CNBD1: variants seen among roughly 807,000 people sequenced by gnomAD.
CNBD1 encodes the protein cyclic nucleotide binding domain containing 1, also known as cyclic nucleotide-binding domain-containing protein 1.
CNBD1 carries 71 observed loss-of-function variants against 54.4 expected under a neutral mutation model. The observed-to-expected ratio is 1.30, with a 90% CI of 1.08 to 1.59. CNBD1 has a LOEUF of 1.59. Ranked by LOEUF, CNBD1 falls within the 40% of genes most tolerant of loss-of-function variation. The pLI is 0.00. For synonymous variants in CNBD1, 182 were observed against 170.7 expected (o/e 1.07, Z -0.51); for missense variants, 659 against 518.0 (o/e 1.27, Z -2.64).
chr8:87,328,773 A>AT (rs991051886), intron 8 of CNBD1, among the ~76,000 whole-genome samples: 4 of 152,160 alleles, frequency 2.6e-5, no homozygotes, highest in South Asian at 2.1e-4. Context: ...GCCCTCTTTA[A>AT]TTTTTTAACA....
chr8:87,020,503 G>A (rs1809463340), intron 4 of CNBD1, among the ~76,000 whole-genome samples: 1 of 152,010 alleles, frequency 6.6e-6, no homozygotes, highest in South Asian at 2.1e-4. Flanking sequence ...GCCAAGAGTG[G>A]GGACTAAGGA....
intron 1 of CNBD1, among the ~76,000 whole-genome samples, chr8:86,884,376 C>A (rs979989615): frequency 4.6e-5 from 7 of 152,096 alleles, no homozygotes; most frequent in African/African-American, 1.7e-4. Flanking sequence ...GGGCATTATT[C>A]TTTTGCCTCT....
chr8:87,338,474 T>C (rs1458586505), intron 8 of CNBD1, among the ~76,000 whole-genome samples: 1 of 151,404 alleles, frequency 6.6e-6, no homozygotes, highest in African/African-American at 2.5e-5. Context: ...TTGTTGTTGT[T>C]GTTGTTTTGT....
chr8:86,911,938 A>G (rs1003495073), intron 3 of CNBD1, among the ~76,000 whole-genome samples: 7 of 152,178 alleles, frequency 4.6e-5, no homozygotes, highest in Non-Finnish European at 7.4e-5. Context: ...GGAAAACTAT[A>G]AATTTTAATG....
chr8:87,137,881 G>A (rs1563483323), intron 4 of CNBD1, among the ~76,000 whole-genome samples: 2 of 152,108 alleles, frequency 1.3e-5, no homozygotes, highest in Admixed American at 1.3e-4. Context: ...TCTTCCATGA[G>A]GTAGTGGAAT....
chr8:87,266,967 G>GA (rs1808271216), intron 6 of CNBD1, among the ~76,000 whole-genome samples: 3 of 151,962 alleles, frequency 2.0e-5, no homozygotes, highest in African/African-American at 7.3e-5. Flanking sequence ...TATCATAACA[G>GA]AAAACACCTT....
At chr8:87,349,654 C>G (rs2130926444) in intron 8 of CNBD1, among the ~76,000 whole-genome samples, 1 of 152,278 alleles carries the variant, frequency 6.6e-6, no homozygotes, top group Non-Finnish European at 1.5e-5. Flanking sequence ...GGATTACAGG[C>G]GTGAGCCACC....
intron 8 of CNBD1, among the ~76,000 whole-genome samples, chr8:87,320,170 T>C (rs1809488706): frequency 6.6e-6 from 1 of 152,114 alleles, no homozygotes; most frequent in Admixed American, 6.6e-5. Context: ...AACAAATACC[T>C]TTTAACTCTC....
intron 8 of CNBD1, among the ~76,000 whole-genome samples, chr8:87,349,734 T>C (rs1409033801): frequency 2.0e-5 from 3 of 152,220 alleles, no homozygotes; most frequent in Non-Finnish European, 4.4e-5. Context: ...CAGGAGGGTT[T>C]TGCTGTATTG....
chr8:87,147,259 A>G (rs1399697411), intron 4 of CNBD1, among the ~76,000 whole-genome samples: 1 of 152,060 alleles, frequency 6.6e-6, no homozygotes, highest in Non-Finnish European at 1.5e-5. Flanking sequence ...TCTATCATCT[A>G]TGTAATACCC....
chr8:86,937,378 A>T (rs1809567817), intron 3 of CNBD1, among the ~76,000 whole-genome samples: 1 of 151,958 alleles, frequency 6.6e-6, no homozygotes, highest in Non-Finnish European at 1.5e-5. Context: ...TATCATTCTG[A>T]CTCTGGCCCC....
intron 4 of CNBD1, among the ~76,000 whole-genome samples, chr8:87,176,096 T>G (rs1037747617): frequency 1.3e-5 from 2 of 152,192 alleles, no homozygotes; most frequent in African/African-American, 4.8e-5. Flanking sequence ...GGGTGGGTGA[T>G]GGGAGGGGTT....
chr8:86,907,029 T>A (rs1809028183), intron 3 of CNBD1, among the ~76,000 whole-genome samples: 1 of 152,216 alleles, frequency 6.6e-6, no homozygotes, highest in African/African-American at 2.4e-5. Context: ...ATTTTAGAAA[T>A]GTTTTGCTGT....
At chr8:87,296,903 T>C (rs568417095) in intron 8 of CNBD1, among the ~76,000 whole-genome samples, 7 of 151,972 alleles carry the variant, frequency 4.6e-5, no homozygotes, top group Middle Eastern at 3.4e-3. Flanking sequence ...AAGGCCAGCG[T>C]GGTGGCTCAC....
chr8:87,285,314 C>A (rs1476864358), intron 7 of CNBD1, among the ~76,000 whole-genome samples: 1 of 152,126 alleles, frequency 6.6e-6, no homozygotes, highest in Non-Finnish European at 1.5e-5. Flanking sequence ...TATTCTGATT[C>A]CCTAATTCTG....
At chr8:87,330,231 C>CTT (rs3055413) in intron 8 of CNBD1, among the ~76,000 whole-genome samples, 1,942 of 130,758 alleles carry the variant, frequency 0.015, 62 homozygotes, top group African/African-American at 0.049. Context: ...TTCCTTCTCT[C>CTT]TTTTTTTTTT....
chr8:87,370,494 T>C (rs539296225), intron 10 of CNBD1, among the ~76,000 whole-genome samples: 13 of 152,310 alleles, frequency 8.5e-5, no homozygotes, highest in Admixed American at 2.0e-4. Context: ...TGCGCATTTT[T>C]TCATGTGTCT....
At chr8:86,966,311 C>T (rs1399929436) in intron 4 of CNBD1, among the ~76,000 whole-genome samples, 5 of 152,182 alleles carry the variant, frequency 3.3e-5, no homozygotes, top group Non-Finnish European at 7.3e-5. Flanking sequence ...ACTCCCACTC[C>T]AAGACTGGAG....
chr8:87,384,949 T>C (rs187575847), downstream of CNBD1, among the ~76,000 whole-genome samples: 11 of 152,244 alleles, frequency 7.2e-5, no homozygotes. Flanking sequence ...TGTGAGACCA[T>C]AGAAACTTGG....
Sources: allele counts gnomAD v4.1 joint callset (sites outside exome capture counted in the v4.1 genomes callset), GRCh38; gene constraint gnomAD v4.1.1; transcripts MANE v1.5; gene names NCBI Gene and HGNC (gene_info 2026-07-23, HGNC 2026-07-21).